The following TJP1 variants were observed in gnomAD, a reference collection of about 807,000 sequenced individuals.
TJP1 encodes tight junction protein 1.
A neutral mutation model predicts 194.2 loss-of-function variants in TJP1; 43 were observed. The ratio of observed to expected loss-of-function variants is 0.22; its 90% confidence interval spans 0.17 to 0.29. TJP1 has a LOEUF of 0.29. TJP1 is among the 10% of genes least tolerant of loss of function. TJP1 has a pLI of 1.00. For missense variants in TJP1, 1,971 were observed against 2,185.7 expected (o/e 0.90, Z 1.96); for synonymous variants, 801 against 779.0 (o/e 1.03, Z -0.47).
chr15:29,853,258 G>C (rs1052860047), intron 2 of TJP1, among the ~76,000 whole-genome samples: 10 of 152,208 alleles, frequency 6.6e-5, no homozygotes, highest in Non-Finnish European at 1.3e-4. Flanking sequence ...ACCAGTAGAG[G>C]GGCTGGAGGA....
Position 29,720,516 on chromosome 15 carries a change from G to A in TJP1, c.2605C>T (p.Pro869Ser). The stretch of plus-strand genomic sequence containing the variant: ...GACCGTGTAATGGCAGACTCCGGTG[G>A]AGTCCCAACCTCATCATTAAGAGTT... ...DETLNDEVGT[P>S]PESAITRSSE... Residue 869 changes from proline to serine, a missense_variant, in exon 19 of 28, where the codon CCA (proline) becomes TCA (serine). Coordinates refer to ENST00000614355, the MANE Select transcript of TJP1 (RefSeq NM_001330239.4). The A allele has an allele frequency of 6.2e-7, 1 of 1,614,120 alleles. No homozygotes were observed. The highest frequency in any genetic ancestry group is 8.5e-7 in the Non-Finnish European group (1 of 1,180,036).
chr15:29,836,779 G>C (rs2051047877), intron 2 of TJP1, among the ~76,000 whole-genome samples: 1 of 152,116 alleles, frequency 6.6e-6, no homozygotes, highest in Admixed American at 6.5e-5. Context: ...CCTGATAAAA[G>C]GGCTGGAGGG....
chr15:29,731,563 AGTT>A (rs1235476109), intron 15 of TJP1, among the ~76,000 whole-genome samples: 7 of 152,188 alleles, frequency 4.6e-5, no homozygotes, highest in African/African-American at 1.7e-4. Context: ...GCTTGTGAAA[AGTT>A]GTTAAACAAC....
At chr15:29,877,241 A>G (rs1184109503) in intron 2 of TJP1, among the ~76,000 whole-genome samples, 1 of 152,256 alleles carries the variant, frequency 6.6e-6, no homozygotes, top group Non-Finnish European at 1.5e-5. Flanking sequence ...TTATTGTTTG[A>G]GACATGCTCT....
At chr15:29,797,425 C>T (rs1336990133) in intron 2 of TJP1, among the ~76,000 whole-genome samples, 1 of 152,160 alleles carries the variant, frequency 6.6e-6, no homozygotes, top group Admixed American at 6.5e-5. Context: ...GTTGGGTTTA[C>T]AGGCTTGAGC....
chr15:29,766,875 G>C (rs1025570406), intron 4 of TJP1, among the ~76,000 whole-genome samples: 1 of 152,250 alleles, frequency 6.6e-6, no homozygotes, highest in South Asian at 2.1e-4. Flanking sequence ...AAAAAGGACA[G>C]CACTGTACTC....
At chr15:29,910,793 A>G (rs773183328) in intron 2 of TJP1, among the ~76,000 whole-genome samples, 3 of 152,194 alleles carry the variant, frequency 2.0e-5, no homozygotes, top group Non-Finnish European at 4.4e-5. Context: ...AAGCACAGAG[A>G]AGTCCCAACT....
At chr15:29,897,604 G>A (rs1008498068) in intron 2 of TJP1, among the ~76,000 whole-genome samples, 4 of 152,138 alleles carry the variant, frequency 2.6e-5, no homozygotes, top group Non-Finnish European at 4.4e-5. Flanking sequence ...TGGAAAAGCC[G>A]CAAACACCTG....
intron 2 of TJP1, among the ~76,000 whole-genome samples, chr15:29,871,719 G>C (rs1222779403): frequency 6.6e-6 from 1 of 152,198 alleles, no homozygotes; most frequent in Non-Finnish European, 1.5e-5. Context: ...AACGTCATCG[G>C]ACTGCAGCCC....
At chr15:29,787,041 T>C (rs2047742132) in intron 2 of TJP1, among the ~76,000 whole-genome samples, 1 of 152,220 alleles carries the variant, frequency 6.6e-6, no homozygotes, top group African/African-American at 2.4e-5. Context: ...GTATCTTAGA[T>C]TACATGTTTG....
At chr15:29,754,346 C>T (rs1008082342) in intron 8 of TJP1, among the ~76,000 whole-genome samples, 5 of 152,014 alleles carry the variant, frequency 3.3e-5, no homozygotes, top group South Asian at 2.1e-4. Flanking sequence ...ACAAAGAAAA[C>T]AACAGGCACT....
At chr15:29,770,364 C>T (rs894689729) in intron 4 of TJP1, among the ~76,000 whole-genome samples, 9 of 151,870 alleles carry the variant, frequency 5.9e-5, no homozygotes, top group African/African-American at 2.2e-4. Flanking sequence ...ACCAGGGAGG[C>T]GGAGGTTGCG....
intron 2 of TJP1, among the ~76,000 whole-genome samples, chr15:29,796,353 A>C (rs2048405864): frequency 6.8e-6 from 1 of 147,514 alleles, no homozygotes; most frequent in Non-Finnish European, 1.5e-5. Context: ...AAAAAAAAAC[A>C]AAAAAAAACC....
intron 2 of TJP1, among the ~76,000 whole-genome samples, chr15:29,845,332 T>G (rs2051367892): frequency 6.6e-6 from 1 of 152,138 alleles, no homozygotes; most frequent in South Asian, 2.1e-4. Context: ...ATTTTCCAGC[T>G]TAAACTGACT....
At chr15:29,956,100 G>T in intron 2 of TJP1, 1 of 730,166 alleles carries the variant, frequency 1.4e-6, no homozygotes, top group Non-Finnish European at 1.8e-6. Context: ...TTGGTAAACT[G>T]TTGGGTGAAC....
intron 2 of TJP1, among the ~76,000 whole-genome samples, chr15:29,949,704 C>T (rs1309193067): frequency 2.4e-5 from 3 of 127,256 alleles, no homozygotes; most frequent in South Asian, 5.8e-4. Context: ...TCCACCACCA[C>T]CACCTCCATC....
intron 2 of TJP1, among the ~76,000 whole-genome samples, chr15:29,938,865 G>A (rs890506577): frequency 6.6e-6 from 1 of 152,174 alleles, no homozygotes; most frequent in Non-Finnish European, 1.5e-5. Context: ...ACTTGGCAAC[G>A]CTTCCTAACT....
chr15:29,937,176 C>A (rs1246190981), intron 2 of TJP1, among the ~76,000 whole-genome samples: 1 of 152,136 alleles, frequency 6.6e-6, no homozygotes. Context: ...ATGAGAAGAT[C>A]TCTGTTTAAG....
At position 29,783,595 on chromosome 15, in the gene TJP1, T is replaced by C. The variant is rs191441330; in HGVS notation, c.85-10238A>G. Among the ~76,000 whole-genome samples the C allele has an allele frequency of 1.3e-4, 20 of 152,282 alleles. No individual in the cohort carries two copies. The East Asian group carries it at 3.9e-3, about 29-fold the overall frequency. On this transcript the variant is annotated intron_variant, in intron 2 of 27. Coordinates refer to ENST00000614355, the MANE Select transcript of TJP1 (RefSeq NM_001330239.4). ...ACCTAAATGCCCATCAACGAAAGAC[T>C]AGATGAAGTAAATGTAGTATAACTA...
Sources: gnomAD v4.1 joint callset for allele counts (sites outside exome capture counted in the v4.1 genomes callset) on GRCh38, gnomAD v4.1.1 for gene constraint, MANE v1.5 for transcripts, NCBI Gene and HGNC (gene_info 2026-07-23, HGNC 2026-07-21) for gene names.